UVRAG: variants seen among roughly 807,000 people sequenced by gnomAD.
UVRAG encodes the protein UV radiation resistance-associated gene protein.
UVRAG carries 19 observed loss-of-function variants against 78.0 expected under a neutral mutation model. The ratio of observed to expected loss-of-function variants is 0.24; its 90% CI spans 0.17 to 0.36. The LOEUF (loss-of-function observed/expected upper bound fraction) is 0.36. Among genes scored for constraint, UVRAG ranks in the 10% least tolerant of loss-of-function variants. The pLI, the probability that UVRAG is intolerant of heterozygous loss-of-function variation, is 1.00. For synonymous variants in UVRAG, 323 were observed against 324.6 expected, an observed-to-expected ratio of 1.00 and a Z score of 0.05; for missense variants, 740 against 853.8, an observed-to-expected ratio of 0.87 and a Z score of 1.66.
At chr11:75,870,458 C>T (rs1946624316) in intron 3 of UVRAG, among the ~76,000 whole-genome samples, 1 of 152,186 alleles carries the variant, frequency 6.6e-6, no homozygotes, top group African/African-American at 2.4e-5. Context: ...GATACATTCA[C>T]CAAGTGTCAT....
At chr11:75,853,022 TG>T (rs1222730413) in intron 2 of UVRAG, among the ~76,000 whole-genome samples, 21 of 152,222 alleles carry the variant, frequency 1.4e-4, no homozygotes, top group Non-Finnish European at 2.5e-4. Context: ...ATGATCCTCC[TG>T]CCTCCATCTC....
chr11:76,103,537 G>GTTTTTTTTTTTTTTTTTT (rs11312309), intron 13 of UVRAG, among the ~76,000 whole-genome samples: 1 of 132,214 alleles, frequency 7.6e-6, no homozygotes. Context: ...TGCTGTTTTG[G>GTTTTTTTTTTTTTTTTTT]TTTTTTTTTT....
chr11:76,069,797 C>T (rs1951266073), intron 13 of UVRAG, among the ~76,000 whole-genome samples: 1 of 152,082 alleles, frequency 6.6e-6, no homozygotes, highest in Non-Finnish European at 1.5e-5. Context: ...TGGCAGAGAT[C>T]CCCTTACTTC....
At chr11:76,135,986 G>A (rs938623828) in intron 14 of UVRAG, among the ~76,000 whole-genome samples, 4 of 152,122 alleles carry the variant, frequency 2.6e-5, no homozygotes, top group Non-Finnish European at 5.9e-5. Context: ...TGAGTAAATT[G>A]TCAACAGCCT....
At chr11:76,033,472 C>T (rs886892537) in intron 12 of UVRAG, among the ~76,000 whole-genome samples, 1 of 151,802 alleles carries the variant, frequency 6.6e-6, no homozygotes. Context: ...AAATCCTTGG[C>T]TTTGAATTTA....
At chr11:75,911,455 C>T (rs149529778) in intron 5 of UVRAG, 52 of 167,866 alleles carry the variant, frequency 3.1e-4, no homozygotes, top group Middle Eastern at 3.2e-3. Context: ...GTTCAGCCAT[C>T]ATCTGGAGCT....
intron 12 of UVRAG, among the ~76,000 whole-genome samples, chr11:76,057,840 C>T (rs542186373): frequency 1.3e-5 from 2 of 152,152 alleles, no homozygotes; most frequent in East Asian, 3.9e-4. Context: ...TTCCCTTACT[C>T]GATCATGGGG....
chr11:76,111,640 C>T (rs1952068122), intron 13 of UVRAG, among the ~76,000 whole-genome samples: 1 of 152,096 alleles, frequency 6.6e-6, no homozygotes, highest in African/African-American at 2.4e-5. Context: ...AAATAAGATC[C>T]AGATTATGCC....
intron 2 of UVRAG, among the ~76,000 whole-genome samples, chr11:75,854,758 G>T (rs1946248471): frequency 6.6e-6 from 1 of 152,160 alleles, no homozygotes; most frequent in African/African-American, 2.4e-5. Flanking sequence ...GGGAAATGCA[G>T]TCTTACTATG....
At chr11:76,040,502 G>A (rs977379525) in intron 12 of UVRAG, among the ~76,000 whole-genome samples, 4 of 151,272 alleles carry the variant, frequency 2.6e-5, no homozygotes, top group Non-Finnish European at 4.4e-5. Context: ...GAAAGAAATA[G>A]AAGATGCACA....
At chr11:75,894,073 C>A (rs540006198) in intron 5 of UVRAG, among the ~76,000 whole-genome samples, 1 of 152,254 alleles carries the variant, frequency 6.6e-6, no homozygotes, top group South Asian at 2.1e-4. Context: ...AAGGGGTATA[C>A]AAATGGTTAA....
intron 9 of UVRAG, among the ~76,000 whole-genome samples, chr11:76,004,454 T>C (rs1477494000): frequency 3.3e-5 from 5 of 152,188 alleles, no homozygotes; most frequent in Admixed American, 2.0e-4. Context: ...TCTTGTTAGC[T>C]CATTTGGATT....
At chr11:76,091,460 C>T (rs1218996606) in intron 13 of UVRAG, among the ~76,000 whole-genome samples, 3 of 151,960 alleles carry the variant, frequency 2.0e-5, no homozygotes, top group Non-Finnish European at 2.9e-5. Context: ...ATGGTTTACT[C>T]CCTTTTATTT....
rs1273394818 is a variant in UVRAG, at chr11:75,960,612, C to T, written c.594-832C>T. 2.0e-5 allele frequency among the ~76,000 whole-genome samples: 3 copies of T among 152,068 alleles called. No homozygotes were observed. In the East Asian group the frequency reaches 5.8e-4, roughly 29 times the overall value. ...TGAAACCTCGTCTCTGCAAAAAATA[C>T]AAAAATTAGCCAGGCATGGTGGTGC... On this transcript the variant is annotated intron_variant, in intron 6 of 14. Transcript: ENST00000356136.
chr11:76,080,732 T>A lies in UVRAG; in HGVS notation c.1305+14944T>A, dbSNP rs566002991. 9.2e-5 allele frequency among the ~76,000 whole-genome samples: 14 copies of A among 152,356 alleles called. No individual in the cohort carries two copies. In the South Asian group the frequency reaches 2.9e-3, roughly 32 times the overall value. Reference sequence around the variant, plus strand: ...TGTATTTTTTCTCAGTAACGTGTACTTCCTCTTTAAGATTCATTAGCCCAT... The same window carrying A: ...TGTATTTTTTCTCAGTAACGTGTACATCCTCTTTAAGATTCATTAGCCCAT... On this transcript the variant is annotated intron_variant, in intron 13 of 14. Coordinates refer to ENST00000356136, the MANE Select transcript of UVRAG (RefSeq NM_003369.4).
At chr11:75,881,472 G>A (rs571926795) in intron 4 of UVRAG, among the ~76,000 whole-genome samples, 62 of 152,346 alleles carry the variant, frequency 4.1e-4, no homozygotes, top group African/African-American at 1.5e-3. Flanking sequence ...TCCAAAGGCG[G>A]CAAATCAGAT....
At chr11:75,913,274 G>T (rs1472864947) in intron 6 of UVRAG, among the ~76,000 whole-genome samples, 1 of 152,064 alleles carries the variant, frequency 6.6e-6, no homozygotes, top group Non-Finnish European at 1.5e-5. Flanking sequence ...AGAATTAAAA[G>T]AAAAAATACT....
intron 12 of UVRAG, among the ~76,000 whole-genome samples, chr11:76,065,329 C>G (rs1951165992): frequency 6.6e-6 from 1 of 152,096 alleles, no homozygotes; most frequent in Non-Finnish European, 1.5e-5. Flanking sequence ...TCTTCCTCTC[C>G]CATTTAGTAG....
chr11:75,962,569 T>C (rs975425058), intron 7 of UVRAG, among the ~76,000 whole-genome samples: 5 of 152,170 alleles, frequency 3.3e-5, no homozygotes, highest in Admixed American at 6.5e-5. Context: ...ATAGGTATAG[T>C]AGTAATTCTT....
Sources: allele counts gnomAD v4.1 joint callset (sites outside exome capture counted in the v4.1 genomes callset), GRCh38; gene constraint gnomAD v4.1.1; transcripts MANE v1.5; gene names NCBI Gene and HGNC (gene_info 2026-07-23, HGNC 2026-07-21).